Variants in ITGB8 observed in about 807,000 individuals in gnomAD.
The protein encoded by ITGB8 is integrin beta-8.
ITGB8 carries 30 observed loss-of-function variants against 89.5 expected under a neutral mutation model. That is an observed-to-expected ratio of 0.34 (90% CI 0.25 to 0.45). ITGB8 has a LOEUF of 0.45. Among genes scored for constraint, ITGB8 ranks in the 20% least tolerant of loss-of-function variants. The pLI is 1.00. For missense variants in ITGB8, 836 were observed against 933.3 expected (o/e 0.90, Z 1.36); for synonymous variants, 335 against 320.4 (o/e 1.05, Z -0.49).
Position 20,340,007 on chromosome 7 carries a change from G to A in ITGB8, c.127+8074G>A, listed in dbSNP as rs193295308. Among the ~76,000 whole-genome samples the A allele has an allele frequency of 6.6e-5, 10 of 152,282 alleles. No individual in the cohort carries two copies. The East Asian group carries it at 1.3e-3, about 21-fold the overall frequency. ...TGTGCCACTGCACTCCAGTCTGGGA[G>A]AGAAAAAGCGAGACTTTGTCTAAAA... On this transcript the variant is annotated intron_variant, in intron 1 of 13. Coordinates refer to ENST00000222573, the MANE Select transcript of ITGB8 (RefSeq NM_002214.3).
At position 20,357,834 on chromosome 7, in the gene ITGB8, C is replaced by A. The variant is rs115379535; in HGVS notation, c.128-5803C>A. Among the ~76,000 whole-genome samples, 1,373 of 152,348 alleles carry A rather than the reference C, an allele frequency of 9.0e-3. 20 individuals carry two copies. Among genetic ancestry groups the A allele is most frequent in the African/African-American group, 0.031 (1,287 of 41,570 alleles). On this transcript the variant is annotated intron_variant, in intron 1 of 13. Transcript: ENST00000222573. ...TAAGACAATGAGAAAATATAAGACA[C>A]ACAGCACATGCTAACAAATCCAGAA... is the stretch of plus-strand genomic sequence containing the variant.
Position 20,376,051 on chromosome 7 carries a change from A to C in ITGB8, c.389-3000A>C, listed in dbSNP as rs1168221515. 5.9e-5 allele frequency among the ~76,000 whole-genome samples: 9 copies of C among 152,144 alleles called. 1 individual carries two copies. The highest frequency in any genetic ancestry group is 4.6e-4 in the Admixed American group (7 of 15,286). ...GAAGGAGGAAAAGTGAGGAGCAATC[A>C]TTCCCCTTCCCTTCCTTCCCCTCCC... On this transcript the variant is annotated intron_variant, in intron 3 of 13. Coordinates refer to ENST00000222573, the MANE Select transcript of ITGB8 (RefSeq NM_002214.3).
intron 1 of ITGB8, among the ~76,000 whole-genome samples, chr7:20,343,542 C>T (rs955712295): frequency 6.6e-6 from 1 of 152,132 alleles, no homozygotes; most frequent in African/African-American, 2.4e-5. Flanking sequence ...AAACCCTGCA[C>T]AATGCCATGG....
chr7:20,367,228 G>A (rs1023929155), intron 3 of ITGB8, 42 bp downstream of exon 3: 2 of 1,433,814 alleles, frequency 1.4e-6, no homozygotes, highest in African/African-American at 1.4e-5. Flanking sequence ...TTCTTAACTT[G>A]AAATTGCAAT....
rs193300997 is a variant in ITGB8, at chr7:20,374,038, G to A, written c.389-5013G>A. Reference sequence around the variant, plus strand: ...TTCTGCCACAGACTCACTTCTTCCCGTTAAAATTAATGGAAGGAAATGAGT... The same window carrying A: ...TTCTGCCACAGACTCACTTCTTCCCATTAAAATTAATGGAAGGAAATGAGT... On this transcript the variant is annotated intron_variant, in intron 3 of 13. Coordinates refer to ENST00000222573, the MANE Select transcript of ITGB8 (RefSeq NM_002214.3). 5.9e-5 allele frequency among the ~76,000 whole-genome samples: 9 copies of A among 152,182 alleles called. 1 individual carries two copies. The South Asian group carries it at 6.2e-4, about 11-fold the overall frequency.
chr7:20,331,188 G>A lies in ITGB8; in HGVS notation c.-619G>A, dbSNP rs531574843. On this transcript the variant is annotated 5_prime_UTR_variant, in exon 1 of 14. Transcript: ENST00000222573. ...CTCCCTTGCCAGCCAGGACGCTGCC[G>A]ACTTGTCTTTGCCCGCTGCTCCGCA... 104 of 179,592 alleles carry A rather than the reference G, an allele frequency of 5.8e-4. No individual in the cohort carries two copies. Among genetic ancestry groups the A allele is most frequent in the African/African-American group, 2.3e-3 (100 of 42,892 alleles). The allele number at this position is 179,592 out of a possible 1,614,324, so 11.1% of individuals were successfully genotyped here.
intron 8 of ITGB8, among the ~76,000 whole-genome samples, chr7:20,398,383 G>A (rs6979136): frequency 0.91 from 138,921 of 152,296 alleles, 63,395 homozygotes; most frequent in East Asian, 0.99. Flanking sequence ...TCAATAAGTC[G>A]TTTTAGCTAT....
chr7:20,406,245 T>G, intron 12 of ITGB8, 74 bp downstream of exon 12: 1 of 955,132 alleles, frequency 1.0e-6, no homozygotes, highest in Non-Finnish European at 1.7e-6. Context: ...AGACCCATAA[T>G]TAACCATGCT....
intron 4 of ITGB8, 38 bp from the exon 5 acceptor site, chr7:20,380,628 A>G: frequency 6.4e-7 from 1 of 1,557,970 alleles, no homozygotes; most frequent in Non-Finnish European, 8.8e-7. Flanking sequence ...GCTTAAGAAG[A>G]GCAAAATAAA....
rs988529667 is a variant in ITGB8 at position 20,332,008 on chromosome 7, A to G, written c.127+75A>G. The G allele has an allele frequency of 4.5e-6, 7 of 1,557,064 alleles. No homozygotes were observed. The African/African-American group carries it at 6.8e-5, about 15-fold the overall frequency. ...GGCTGGCACGAAGAGCTGCCCGGCC[A>G]GAGCATCCCGGCCAGGTAAGTTGCG... On this transcript the variant is annotated intron_variant, in intron 1 of 13. Coordinates refer to ENST00000222573, the MANE Select transcript of ITGB8 (RefSeq NM_002214.3).
intron 9 of ITGB8, among the ~76,000 whole-genome samples, chr7:20,400,829 T>A (rs2127981826): frequency 6.6e-6 from 1 of 152,246 alleles, no homozygotes; most frequent in Middle Eastern, 3.4e-3. Context: ...TTCTTTCGAG[T>A]AACATCAGAG....
chr7:20,344,137 C>T (rs549346740), intron 1 of ITGB8, among the ~76,000 whole-genome samples: 7 of 151,960 alleles, frequency 4.6e-5, no homozygotes, highest in Non-Finnish European at 5.9e-5. Flanking sequence ...GCATACAATA[C>T]GAGATAGTGC....
At chr7:20,337,654 T>G (rs998674165) in intron 1 of ITGB8, among the ~76,000 whole-genome samples, 1 of 152,214 alleles carries the variant, frequency 6.6e-6, no homozygotes, top group African/African-American at 2.4e-5. Context: ...GGTCCCAGAA[T>G]TCCGATCTGT....
intron 1 of ITGB8, among the ~76,000 whole-genome samples, chr7:20,351,446 G>A (rs1332842938): frequency 1.3e-5 from 2 of 152,158 alleles, no homozygotes; most frequent in Non-Finnish European, 2.9e-5. Context: ...TTTCCTCATG[G>A]GAGCTTTATG....
chr7:20,358,689 C>T (rs1785385831), intron 1 of ITGB8, among the ~76,000 whole-genome samples: 1 of 152,180 alleles, frequency 6.6e-6, no homozygotes, highest in Non-Finnish European at 1.5e-5. Flanking sequence ...AGGCATGAGC[C>T]ACTGCGCCCA....
At chr7:20,350,189 C>T (rs1780682451) in intron 1 of ITGB8, among the ~76,000 whole-genome samples, 1 of 152,168 alleles carries the variant, frequency 6.6e-6, no homozygotes, top group Admixed American at 6.5e-5. Flanking sequence ...CTCTTGTCGC[C>T]CAGGCTGGAG....
intron 3 of ITGB8, among the ~76,000 whole-genome samples, chr7:20,376,339 A>C (rs1350691625): frequency 6.6e-6 from 1 of 152,188 alleles, no homozygotes; most frequent in Non-Finnish European, 1.5e-5. Flanking sequence ...GGTCACTCTA[A>C]GCCCATGTTT....
chr7:20,360,708 G>GTA (rs371886904), intron 1 of ITGB8, among the ~76,000 whole-genome samples: 2,512 of 150,146 alleles, frequency 0.017, 40 homozygotes, highest in Non-Finnish European at 0.024. Flanking sequence ...CATGGTGTGT[G>GTA]TATATATATA....
chr7:20,350,940 G>T (rs993266470), intron 1 of ITGB8, among the ~76,000 whole-genome samples: 3 of 152,210 alleles, frequency 2.0e-5, no homozygotes, highest in Non-Finnish European at 4.4e-5. Context: ...TATGCACTCA[G>T]TGAGGTTTTC....
Sources: allele counts gnomAD v4.1 joint callset (sites outside exome capture counted in the v4.1 genomes callset), GRCh38; gene constraint gnomAD v4.1.1; transcripts MANE v1.5; gene names NCBI Gene and HGNC (gene_info 2026-07-23, HGNC 2026-07-21).